Variants in SRGAP2C observed in about 807,000 individuals in gnomAD.
SRGAP2C encodes the protein SLIT-ROBO Rho GTPase-activating protein 2C.
Under a neutral mutation model 25.1 loss-of-function variants are expected in SRGAP2C, and 15 were observed. The ratio of observed to expected loss-of-function variants is 0.60; its 90% CI spans 0.40 to 0.92. SRGAP2C has a LOEUF of 0.92. SRGAP2C is among the 40% of genes least tolerant of loss of function. SRGAP2C has a pLI of 0.00. For synonymous variants in SRGAP2C, 44 were observed against 96.6 expected (o/e 0.46, Z 3.19); for missense variants, 144 against 264.4 (o/e 0.54, Z 3.16).
At chr1:121,259,811 C>T (rs1483139655) in intron 2 of SRGAP2C, among the ~76,000 whole-genome samples, 108 of 118,098 alleles carry the variant, frequency 9.1e-4, no homozygotes, top group African/African-American at 3.1e-3. Context: ...AGGGGAGTTG[C>T]TTTTTAAAAT....
intron 4 of SRGAP2C, among the ~76,000 whole-genome samples, chr1:121,329,221 A>AAGAG (rs1310779675): frequency 6.6e-6 from 1 of 151,670 alleles, no homozygotes; most frequent in Non-Finnish European, 1.5e-5. Context: ...AGAAAAAAAG[A>AAGAG]AGAGAGAGAG....
At chr1:121,212,121 GT>G (rs1173441868) in intron 2 of SRGAP2C, among the ~76,000 whole-genome samples, 2 of 106,830 alleles carry the variant, frequency 1.9e-5, no homozygotes, top group Non-Finnish European at 3.5e-5. Context: ...TCATGGAGCT[GT>G]ATTTTTTTTT....
chr1:121,267,834 T>C (rs1656837830), intron 2 of SRGAP2C, among the ~76,000 whole-genome samples: 1 of 147,496 alleles, frequency 6.8e-6, no homozygotes, highest in Admixed American at 6.8e-5. Context: ...TCTCCTTTGA[T>C]TTTTGATGGG....
chr1:121,275,070 T>C (rs1657070712), intron 2 of SRGAP2C, among the ~76,000 whole-genome samples: 1 of 146,350 alleles, frequency 6.8e-6, no homozygotes, highest in African/African-American at 2.5e-5. Context: ...AAGAGGTCCA[T>C]GCTAGATTTT....
At chr1:121,271,259 G>A (rs587683898) in intron 2 of SRGAP2C, among the ~76,000 whole-genome samples, 8 of 148,034 alleles carry the variant, frequency 5.4e-5, no homozygotes, top group East Asian at 2.0e-4. Context: ...GAATGATGAC[G>A]GTTGCTGGGC....
In SRGAP2C at chr1:121,288,812, T is replaced by C. The variant is rs1356355436; in HGVS notation, c.260+3817T>C. 7.7e-5 allele frequency among the ~76,000 whole-genome samples: 5 copies of C among 64,944 alleles called. 1 individual carries two copies. Among genetic ancestry groups the C allele is most frequent in the Non-Finnish European group, 1.5e-4 (5 of 33,452 alleles). The allele number at this position is 64,944 out of a possible 152,430, so 42.6% of individuals were successfully genotyped here. On this transcript the variant is annotated intron_variant, in intron 3 of 9. Transcript: ENST00000367123. ...TAAACACAGGGTGCTGATTGGTGTATTTACAAACCTTGAGCTAGATTCAGA... is the reference window on the plus strand; with the variant it reads ...TAAACACAGGGTGCTGATTGGTGTACTTACAAACCTTGAGCTAGATTCAGA...
At chr1:121,236,530 C>G (rs1490944530) in intron 2 of SRGAP2C, among the ~76,000 whole-genome samples, 65 of 152,140 alleles carry the variant, frequency 4.3e-4, no homozygotes, top group African/African-American at 1.5e-3. Context: ...GTTAACTTTT[C>G]TCCTTTGGGC....
chr1:121,236,069 CAA>C (rs587656979), intron 2 of SRGAP2C, among the ~76,000 whole-genome samples: 18 of 107,966 alleles, frequency 1.7e-4, no homozygotes, highest in Non-Finnish European at 2.2e-4. Context: ...TGTTTTCTGG[CAA>C]AAAAAAAAAA....
chr1:121,357,097 G>A (rs1659081859), intron 4 of SRGAP2C, among the ~76,000 whole-genome samples: 1 of 125,520 alleles, frequency 8.0e-6, no homozygotes, highest in South Asian at 2.5e-4. Flanking sequence ...TAGGAGCTGA[G>A]TCCATGAAGT....
At chr1:121,222,492 G>T (rs1655554274) in intron 2 of SRGAP2C, among the ~76,000 whole-genome samples, 1 of 152,076 alleles carries the variant, frequency 6.6e-6, no homozygotes, top group African/African-American at 2.4e-5. Flanking sequence ...AGCTGGACTT[G>T]GTGGCGCCCA....
intron 2 of SRGAP2C, among the ~76,000 whole-genome samples, chr1:121,249,578 A>ATTT (rs1165185674): frequency 0.013 from 301 of 23,078 alleles, 2 homozygotes; most frequent in South Asian, 0.027. Flanking sequence ...ATATATATAT[A>ATTT]TATTTTTTTT....
chr1:121,253,982 G>A (rs1253418025), intron 2 of SRGAP2C, among the ~76,000 whole-genome samples: 38 of 151,620 alleles, frequency 2.5e-4, no homozygotes, highest in African/African-American at 7.0e-4. Context: ...GCACGATCTC[G>A]GCTCTCTGCA....
At chr1:121,263,655 A>G (rs1203242335) in intron 2 of SRGAP2C, among the ~76,000 whole-genome samples, 1 of 151,690 alleles carries the variant, frequency 6.6e-6, no homozygotes, top group East Asian at 1.9e-4. Context: ...GCTGCATCCA[A>G]CCTAAGCCTA....
At chr1:121,321,720 T>G (rs1658207810) in intron 3 of SRGAP2C, among the ~76,000 whole-genome samples, 2 of 151,320 alleles carry the variant, frequency 1.3e-5, no homozygotes, top group African/African-American at 4.8e-5. Flanking sequence ...CAATAAAACT[T>G]ATTAGCATTA....
At chr1:121,221,864 A>T (rs1200190335) in intron 2 of SRGAP2C, among the ~76,000 whole-genome samples, 9 of 151,282 alleles carry the variant, frequency 5.9e-5, no homozygotes, top group African/African-American at 2.2e-4. Flanking sequence ...TGTACTCATC[A>T]CTATAGAATG....
At chr1:121,329,355 T>C (rs1407334985) in intron 4 of SRGAP2C, among the ~76,000 whole-genome samples, 2 of 149,850 alleles carry the variant, frequency 1.3e-5, no homozygotes, top group African/African-American at 4.9e-5. Flanking sequence ...GAGAAAATCC[T>C]GGATTTTCTC....
chr1:121,206,474 G>T (rs1457422705), intron 2 of SRGAP2C, among the ~76,000 whole-genome samples: 1 of 152,168 alleles, frequency 6.6e-6, no homozygotes, highest in Non-Finnish European at 1.5e-5. Flanking sequence ...AAGATCAGTG[G>T]GGGCACTCTG....
chr1:121,374,761 A>T (rs1343862386), intron 6 of SRGAP2C, 65 bp from the exon 7 acceptor site: 1 of 734,182 alleles, frequency 1.4e-6, no homozygotes, highest in East Asian at 2.6e-5. Context: ...CTGTACTTTT[A>T]TCTTTTAGAG....
At chr1:121,268,400 T>G (rs587694273) in intron 2 of SRGAP2C, among the ~76,000 whole-genome samples, 1 of 152,000 alleles carries the variant, frequency 6.6e-6, no homozygotes, top group East Asian at 1.9e-4. Flanking sequence ...AACTGGGCCA[T>G]GTAAGGTTTT....
Sources: gnomAD v4.1 joint callset for allele counts (sites outside exome capture counted in the v4.1 genomes callset) on GRCh38, gnomAD v4.1.1 for gene constraint, MANE v1.5 for transcripts, NCBI Gene and HGNC (gene_info 2026-07-23, HGNC 2026-07-21) for gene names.